The following SULF2 variants were observed in gnomAD, a reference collection of about 807,000 sequenced individuals.
SULF2 encodes sulfatase 2.
A neutral mutation model predicts 107.7 loss-of-function variants in SULF2; 52 were observed. The observed-to-expected ratio is 0.48, with a 90% CI of 0.39 to 0.61. The LOEUF (loss-of-function observed/expected upper bound fraction) is 0.61, where lower values mean the gene tolerates loss of function less well. Among genes scored for constraint, SULF2 ranks in the 20% least tolerant of loss-of-function variants. The probability of loss-of-function intolerance (pLI) is 0.00; values close to 1 mark genes in which losing one functional copy is unlikely to be tolerated. For missense variants in SULF2, 993 were observed against 1,177.3 expected (o/e 0.84, Z 2.29); for synonymous variants, 460 against 464.3 (o/e 0.99, Z 0.12).
intron 3 of SULF2, among the ~76,000 whole-genome samples, chr20:47,719,219 T>G (rs143448513): frequency 2.9e-4 from 44 of 152,352 alleles, no homozygotes; most frequent in African/African-American, 1.1e-3. Flanking sequence ...CGTGCCATTT[T>G]ATGTGTAAAG....
At chr20:47,785,945 G>C (rs2090925533), upstream of SULF2, 1 of 152,686 alleles carries the variant, frequency 6.5e-6, no homozygotes, top group South Asian at 1.9e-4. Flanking sequence ...ACGCAGAGCT[G>C]GGGTCCCGGC....
chr20:47,677,400 CTGTGTGTGTGTGTGTG>C, intron 8 of SULF2, among the ~76,000 whole-genome samples: 1 of 144,022 alleles, frequency 6.9e-6, no homozygotes, highest in Admixed American at 6.9e-5. Flanking sequence ...ACCCAAGTAA[CTGTGTGTGTGTGTGTG>C]TGTGTGTGTG....
intron 3 of SULF2, among the ~76,000 whole-genome samples, chr20:47,705,801 TTTC>T (rs952891674): frequency 3.2e-4 from 33 of 104,278 alleles, no homozygotes; most frequent in African/African-American, 9.0e-4. Flanking sequence ...TTTCTTTTCT[TTTC>T]TTTTTTTTTT....
At chr20:47,744,501 T>C (rs2089961340) in intron 2 of SULF2, among the ~76,000 whole-genome samples, 1 of 152,184 alleles carries the variant, frequency 6.6e-6, no homozygotes, top group Non-Finnish European at 1.5e-5. Context: ...GCACTTGGCA[T>C]TCCTGCACGG....
intron 6 of SULF2, 114 bp from the exon 7 acceptor site, chr20:47,683,283 C>A: frequency 9.5e-7 from 1 of 1,052,466 alleles, no homozygotes; most frequent in South Asian, 1.9e-5. Context: ...TGCTTCAGGT[C>A]TTTGCTCAAC....
intron 20 of SULF2, 73 bp from the exon 21 acceptor site, chr20:47,658,465 T>C (rs2086964507): frequency 6.8e-7 from 1 of 1,478,350 alleles, no homozygotes; most frequent in African/African-American, 1.4e-5. Context: ...ATCGGTCCTA[T>C]AGCTGAGGAA....
Position 47,731,187 on chromosome 20 carries a change from C to CTTTT in SULF2, c.415+5512_415+5515dup, listed in dbSNP as rs71183273. Among the ~76,000 whole-genome samples the CTTTT allele has an allele frequency of 7.9e-4, 64 of 81,166 alleles. 3 individuals carry two copies. Among genetic ancestry groups the CTTTT allele is most frequent in the East Asian group, 3.7e-3 (11 of 3,006 alleles). 53.2% of individuals were successfully genotyped at this position (81,166 alleles called of 152,430 possible). On this transcript the variant is annotated intron_variant, in intron 3 of 20. Coordinates refer to ENST00000688720, the MANE Select transcript of SULF2 (RefSeq NM_001387048.1). The stretch of plus-strand genomic sequence containing the variant: ...TGCCTGCTACTCACCTGTATCTTCT[C>CTTTT]TTTTTTTTTTTTTTTTTTTTTTTGA...
Position 47,736,945 on chromosome 20 carries a change from G to A in SULF2, c.176-3C>T. 1.2e-6 allele frequency: 2 copies of A among 1,614,136 alleles called. No homozygotes were observed. The highest frequency in any genetic ancestry group is 8.5e-7 in the Non-Finnish European group (1 of 1,179,984). On this transcript the variant is annotated splice_region_variant and splice_polypyrimidine_tract_variant and intron_variant, in intron 2 of 20. Coordinates refer to ENST00000688720, the MANE Select transcript of SULF2 (RefSeq NM_001387048.1). ...CTTGTTCATCACCTGCATGGAACCT[G>A]CAAGTCAAGGGTGGAAGTAAGGCGC...
chr20:47,740,111 T>C (rs983171006), intron 2 of SULF2, among the ~76,000 whole-genome samples: 27 of 152,222 alleles, frequency 1.8e-4, no homozygotes, highest in Non-Finnish European at 3.5e-4. Context: ...ATAATCATTA[T>C]AATTAATAGT....
At chr20:47,737,935 C>T (rs900598608) in intron 2 of SULF2, among the ~76,000 whole-genome samples, 6 of 151,718 alleles carry the variant, frequency 4.0e-5, no homozygotes, top group East Asian at 1.9e-4. Context: ...GTAGAGATGA[C>T]GTTTCGCCAT....
At chr20:47,720,575 T>C (rs1374119045) in intron 3 of SULF2, among the ~76,000 whole-genome samples, 1 of 151,302 alleles carries the variant, frequency 6.6e-6, no homozygotes, top group African/African-American at 2.4e-5. Context: ...TAAAGAGAAG[T>C]TTGTAATCTG....
chr20:47,766,510 G>A (rs1349200565), intron 1 of SULF2, among the ~76,000 whole-genome samples: 1 of 152,164 alleles, frequency 6.6e-6, no homozygotes, highest in Non-Finnish European at 1.5e-5. Context: ...AGATTGTAGG[G>A]CAAAAATGCA....
chr20:47,709,227 C>T (rs1446821537), intron 3 of SULF2, among the ~76,000 whole-genome samples: 31 of 151,916 alleles, frequency 2.0e-4, no homozygotes, highest in Admixed American at 1.9e-3. Flanking sequence ...GCTGAGCTTT[C>T]GAGGCAAGGA....
chr20:47,737,755 G>GTTTTTTTTTTTTT (rs11484375), intron 2 of SULF2, among the ~76,000 whole-genome samples: 1 of 61,834 alleles, frequency 1.6e-5, no homozygotes, highest in African/African-American at 6.3e-5. Flanking sequence ...TCTTTTCTTT[G>GTTTTTTTTTTTTT]TTTTTTTTTT....
chr20:47,752,146 G>T (rs993146214), intron 2 of SULF2, among the ~76,000 whole-genome samples: 3 of 152,220 alleles, frequency 2.0e-5, no homozygotes, highest in Non-Finnish European at 2.9e-5. Context: ...TGCAAAGCTT[G>T]CTGTAGACAA....
intron 1 of SULF2, among the ~76,000 whole-genome samples, chr20:47,766,611 G>A (rs757186765): frequency 4.6e-5 from 7 of 152,184 alleles, no homozygotes; most frequent in African/African-American, 1.2e-4. Context: ...TTGGCACTGT[G>A]GATAAAGCAG....
At chr20:47,784,491 A>G (rs1281191978) in intron 1 of SULF2, among the ~76,000 whole-genome samples, 4 of 151,686 alleles carry the variant, frequency 2.6e-5, no homozygotes, top group Non-Finnish European at 5.9e-5. Flanking sequence ...GGAGTTGCGG[A>G]CCGAGGCCAG....
chr20:47,721,316 G>A (rs146545384), intron 3 of SULF2, among the ~76,000 whole-genome samples: 12 of 152,212 alleles, frequency 7.9e-5, no homozygotes, highest in African/African-American at 2.2e-4. Context: ...GAAGCAGAGC[G>A]AGCTGGGGGC....
At chr20:47,722,243 G>T (rs989920866) in intron 3 of SULF2, among the ~76,000 whole-genome samples, 1 of 152,106 alleles carries the variant, frequency 6.6e-6, no homozygotes, top group Non-Finnish European at 1.5e-5. Flanking sequence ...CAAGCCTAAG[G>T]CCCAAGAGTT....
Sources: gnomAD v4.1 joint callset for allele counts (sites outside exome capture counted in the v4.1 genomes callset) on GRCh38, gnomAD v4.1.1 for gene constraint, MANE v1.5 for transcripts, NCBI Gene and HGNC (gene_info 2026-07-23, HGNC 2026-07-21) for gene names.